Variants in PIP4K2A observed in about 807,000 individuals in gnomAD.
PIP4K2A encodes phosphatidylinositol-5-phosphate 4-kinase type 2 alpha.
Under a neutral mutation model 42.9 loss-of-function variants are expected in PIP4K2A, and 14 were observed. The observed-to-expected ratio is 0.33, with a 90% CI of 0.22 to 0.51. The LOEUF is 0.51. PIP4K2A is among the 20% of genes least tolerant of loss of function. PIP4K2A has a pLI of 0.97. For synonymous variants in PIP4K2A, 192 were observed against 192.2 expected, an observed-to-expected ratio of 1.00 and a Z score of 0.01; for missense variants, 434 against 519.8, an observed-to-expected ratio of 0.83 and a Z score of 1.61.
intron 6 of PIP4K2A, among the ~76,000 whole-genome samples, chr10:22,565,132 T>A (rs140621647): frequency 3.3e-5 from 5 of 152,138 alleles, no homozygotes; most frequent in Non-Finnish European, 4.4e-5. Flanking sequence ...TAGACATGCT[T>A]CTCTTCTCCA....
At chr10:22,627,614 A>AT (rs1838472513) in intron 1 of PIP4K2A, among the ~76,000 whole-genome samples, 1 of 143,256 alleles carries the variant, frequency 7.0e-6, no homozygotes, top group Non-Finnish European at 1.5e-5. Context: ...AAAAAAAAAA[A>AT]AAAAAAAAAA....
chr10:22,549,157 A>C (rs894629297), intron 7 of PIP4K2A, among the ~76,000 whole-genome samples: 5 of 152,242 alleles, frequency 3.3e-5, no homozygotes, highest in African/African-American at 1.2e-4. Context: ...TATACTATAA[A>C]GGTAAAATAA....
In PIP4K2A at chr10:22,603,565, G is replaced by A. The variant is rs548834270; in HGVS notation, c.339+4362C>T. 2.6e-5 allele frequency among the ~76,000 whole-genome samples: 4 copies of A among 152,320 alleles called. No homozygotes were observed. The East Asian group carries it at 7.7e-4, about 29-fold the overall frequency. On this transcript the variant is annotated intron_variant, in intron 3 of 9. Transcript: ENST00000376573. ...TGCTGGGTTTCTGTAAATCTCGTTAGCATCTAATACAGAATCTGGTATGCA... is the reference window on the plus strand; with the variant it reads ...TGCTGGGTTTCTGTAAATCTCGTTAACATCTAATACAGAATCTGGTATGCA...
intron 6 of PIP4K2A, among the ~76,000 whole-genome samples, chr10:22,559,971 A>T (rs554013030): frequency 6.6e-6 from 1 of 152,088 alleles, no homozygotes; most frequent in South Asian, 2.1e-4. Context: ...CCTTCACCCA[A>T]ATCTCCCTTT....
In PIP4K2A at chr10:22,567,853, T is replaced by C; in HGVS notation, c.676A>G (p.Lys226Glu). Residue 226 changes from lysine to glutamate, a missense_variant and splice_region_variant, in exon 6 of 10, where the codon AAG becomes GAG. This residue lies in a region of PIP4K2A where 395 missense variants were observed against 444.5 expected (regional missense o/e 0.89). Coordinates refer to ENST00000376573, the MANE Select transcript of PIP4K2A (RefSeq NM_005028.5). ...GAGACATACAGCAAGGTACTTACCT[T>C]TTCTTTGTCACTAGCTTCTCTAGCC... ...TVAREASDKE[K>E]AKELPTLKDN... 1 of 1,613,508 alleles carries C rather than the reference T, an allele frequency of 6.2e-7. No homozygotes were observed. Among genetic ancestry groups the C allele is most frequent in the Non-Finnish European group, 8.5e-7 (1 of 1,179,368 alleles).
In PIP4K2A at chr10:22,683,641, T is replaced by A. The variant is rs1427731145; in HGVS notation, c.144+30542A>T. 2.6e-5 allele frequency among the ~76,000 whole-genome samples: 4 copies of A among 152,194 alleles called. No individual in the cohort carries two copies. The East Asian group carries it at 7.7e-4, about 29-fold the overall frequency. ...TCCCCCTCAAGCAGCAACTGCTTTC[T>A]TCTGTTCCCTTCTGCAGGGTTTGAT... On this transcript the variant is annotated intron_variant, in intron 1 of 9. Coordinates refer to ENST00000376573, the MANE Select transcript of PIP4K2A (RefSeq NM_005028.5).
In PIP4K2A at chr10:22,664,162, T is replaced by TAC. The variant is rs1328674465; in HGVS notation, c.144+50020_144+50021insGT. 6.0e-4 allele frequency among the ~76,000 whole-genome samples: 44 copies of TAC among 73,202 alleles called. 4 individuals carry two copies. Among genetic ancestry groups the TAC allele is most frequent in the African/African-American group, 3.3e-3 (35 of 10,562 alleles). The allele number at this position is 73,202 out of a possible 152,430, so 48.0% of individuals were successfully genotyped here. On this transcript the variant is annotated intron_variant, in intron 1 of 9. Transcript: ENST00000376573. ...ATATACATATATATACACATATATA[T>TAC]ATATACATATATATATATACATATA... is the stretch of plus-strand genomic sequence containing the variant.
chr10:22,581,650 C>T (rs1428350351), intron 4 of PIP4K2A, among the ~76,000 whole-genome samples: 2 of 151,522 alleles, frequency 1.3e-5, no homozygotes, highest in Non-Finnish European at 2.9e-5. Flanking sequence ...AGCTGGGCAC[C>T]TCTTGCTCTT....
At chr10:22,540,853 C>A (rs2130739886) in intron 8 of PIP4K2A, among the ~76,000 whole-genome samples, 1 of 152,302 alleles carries the variant, frequency 6.6e-6, no homozygotes, top group East Asian at 1.9e-4. Flanking sequence ...CTGCGCCCGG[C>A]CCGTGTCTGT....
intron 7 of PIP4K2A, among the ~76,000 whole-genome samples, chr10:22,549,852 A>G (rs1164623637): frequency 3.8e-5 from 3 of 77,950 alleles, no homozygotes; most frequent in Admixed American, 1.0e-4. Flanking sequence ...AAAAAAAAAA[A>G]AAAAAAAAAA....
chr10:22,703,510 G>A (rs1268542174), intron 1 of PIP4K2A, among the ~76,000 whole-genome samples: 2 of 152,238 alleles, frequency 1.3e-5, no homozygotes, highest in East Asian at 3.8e-4. Context: ...TTTAGGAACA[G>A]AAAAAGCGCA....
At chr10:22,566,474 C>G (rs774742884) in intron 6 of PIP4K2A, among the ~76,000 whole-genome samples, 1 of 152,172 alleles carries the variant, frequency 6.6e-6, no homozygotes, top group Non-Finnish European at 1.5e-5. Context: ...CTTCCCTCTA[C>G]GCACACTCCC....
chr10:22,637,688 C>T (rs925722188), intron 1 of PIP4K2A, among the ~76,000 whole-genome samples: 1 of 152,124 alleles, frequency 6.6e-6, no homozygotes, highest in Non-Finnish European at 1.5e-5. Flanking sequence ...TAAAGTGCAC[C>T]GGCCAAAAGG....
In PIP4K2A at chr10:22,536,341, G is replaced by T. The variant is rs1461871907; in HGVS notation, c.*860C>A. On this transcript the variant is annotated 3_prime_UTR_variant, in exon 10 of 10. Transcript: ENST00000376573. The stretch of plus-strand genomic sequence containing the variant: ...GTAGCATTAATTCCTATATTGCAAC[G>T]TAAGGGTGAACAATGAAGGCTCCAG... The T allele has an allele frequency of 1.5e-5, 5 of 335,818 alleles. No homozygotes were observed. In the East Asian group the frequency reaches 1.9e-4, roughly 13 times the overall value. 20.8% of individuals were successfully genotyped at this position (335,818 alleles called of 1,614,324 possible).
intron 1 of PIP4K2A, among the ~76,000 whole-genome samples, chr10:22,669,973 T>C (rs1370780370): frequency 3.3e-5 from 5 of 152,180 alleles, no homozygotes; most frequent in African/African-American, 9.7e-5. Flanking sequence ...GCATGATGCA[T>C]ACATAAATTA....
chr10:22,613,549 G>T (rs115519386), intron 1 of PIP4K2A, among the ~76,000 whole-genome samples: 3,507 of 152,260 alleles, frequency 0.023, 128 homozygotes, highest in African/African-American at 0.078. Flanking sequence ...TTTCTCTGGG[G>T]ATTAGGGCCA....
chr10:22,615,418 G>A (rs774603379), intron 1 of PIP4K2A, among the ~76,000 whole-genome samples: 5 of 152,006 alleles, frequency 3.3e-5, no homozygotes, highest in African/African-American at 1.2e-4. Flanking sequence ...ACAAAGAATT[G>A]ACACTTTTCT....
At chr10:22,617,710 G>A (rs867333988) in intron 1 of PIP4K2A, among the ~76,000 whole-genome samples, 2 of 152,146 alleles carry the variant, frequency 1.3e-5, no homozygotes, top group Non-Finnish European at 2.9e-5. Flanking sequence ...AAAGGCTGGC[G>A]GAAGTGGCAG....
At chr10:22,576,854 T>C (rs1416360038) in intron 4 of PIP4K2A, among the ~76,000 whole-genome samples, 1 of 152,028 alleles carries the variant, frequency 6.6e-6, no homozygotes, top group African/African-American at 2.4e-5. Flanking sequence ...GGTGGGCGGA[T>C]AGCTTGAGAT....
Sources: gnomAD v4.1 joint callset for allele counts (sites outside exome capture counted in the v4.1 genomes callset) on GRCh38, gnomAD v4.1.1 for gene constraint, gnomAD v4.1.1 regional missense constraint, MANE v1.5 for transcripts, NCBI Gene and HGNC (gene_info 2026-07-23, HGNC 2026-07-21) for gene names.